The following ARMH3 variants were observed in gnomAD, a reference collection of about 807,000 sequenced individuals.
ARMH3 encodes the protein armadillo-like helical domain-containing protein 3.
In ARMH3, 60 loss-of-function variants were observed where a neutral mutation model predicts 99.1. The observed-to-expected ratio is 0.61, with a 90% CI of 0.49 to 0.75. The LOEUF (loss-of-function observed/expected upper bound fraction) is 0.75. ARMH3 is among the 30% of genes least tolerant of loss of function. The pLI is 0.00. For synonymous variants in ARMH3, 285 were observed against 292.8 expected (o/e 0.97, Z 0.27); for missense variants, 679 against 843.1 (o/e 0.81, Z 2.41).
At chr10:101,860,586 C>A (rs2066843709) in intron 24 of ARMH3, among the ~76,000 whole-genome samples, 1 of 152,082 alleles carries the variant, frequency 6.6e-6, no homozygotes, top group Non-Finnish European at 1.5e-5. Flanking sequence ...TCAAAGTGTT[C>A]CTACTGAATT....
At chr10:101,963,990 C>T (rs1845427036) in intron 20 of ARMH3, among the ~76,000 whole-genome samples, 2 of 151,654 alleles carry the variant, frequency 1.3e-5, no homozygotes, top group Non-Finnish European at 1.5e-5. Flanking sequence ...CATTCTCCTG[C>T]CTCAGCCTCC....
chr10:101,932,457 A>G (rs1843760807), intron 23 of ARMH3, among the ~76,000 whole-genome samples: 2 of 152,222 alleles, frequency 1.3e-5, no homozygotes, highest in African/African-American at 4.8e-5. Flanking sequence ...AGAGATTTAC[A>G]TACACTCATG....
chr10:101,881,367 G>A (rs1056765247), intron 24 of ARMH3, among the ~76,000 whole-genome samples: 3 of 152,136 alleles, frequency 2.0e-5, no homozygotes, highest in Non-Finnish European at 2.9e-5. Context: ...CAAGATAAGT[G>A]TGCCCACTCT....
intron 23 of ARMH3, among the ~76,000 whole-genome samples, chr10:101,909,458 TTCC>T (rs1318648953): frequency 2.3e-5 from 3 of 132,418 alleles, no homozygotes; most frequent in Non-Finnish European, 3.1e-5. Context: ...TGTTGCAAGC[TTCC>T]TCTTTTTTTT....
chr10:102,041,091 A>T (rs60941272), intron 1 of ARMH3, among the ~76,000 whole-genome samples: 2,101 of 57,732 alleles, frequency 0.036, 38 homozygotes, highest in African/African-American at 0.084. Context: ...TATATATATA[A>T]TATATATATA....
At chr10:101,894,870 CAAAAAAA>C (rs140398612) in intron 23 of ARMH3, among the ~76,000 whole-genome samples, 4 of 86,414 alleles carry the variant, frequency 4.6e-5, no homozygotes, top group African/African-American at 1.3e-4. Flanking sequence ...GAAACTCTGC[CAAAAAAA>C]AAAAAAAAAA....
intron 24 of ARMH3, among the ~76,000 whole-genome samples, chr10:101,875,749 G>T (rs1054397008): frequency 6.6e-6 from 1 of 152,164 alleles, no homozygotes; most frequent in Non-Finnish European, 1.5e-5. Context: ...TGGTTAAAAG[G>T]GTGGTGACAT....
intron 19 of ARMH3, among the ~76,000 whole-genome samples, chr10:101,989,189 TAGG>T (rs1846653943): frequency 6.6e-6 from 1 of 152,128 alleles, no homozygotes; most frequent in South Asian, 2.1e-4. Context: ...GAGAAGAATG[TAGG>T]AGGAGTGGCA....
chr10:101,874,673 C>G (rs2067217755), intron 24 of ARMH3, among the ~76,000 whole-genome samples: 1 of 152,124 alleles, frequency 6.6e-6, no homozygotes, highest in East Asian at 1.9e-4. Flanking sequence ...CTAAGGACAC[C>G]TAACGAGGGT....
intron 1 of ARMH3, among the ~76,000 whole-genome samples, chr10:102,046,530 T>G (rs1319515066): frequency 2.0e-5 from 3 of 152,036 alleles, no homozygotes; most frequent in African/African-American, 4.8e-5. Flanking sequence ...CACATGCCTG[T>G]AATCTCAGCT....
rs577487002 is a variant in ARMH3, at chr10:101,946,505, A to C, written c.1706-6567T>G. ...CCAGCCAGGGTGACACATATTTAGA[A>C]GTAAAATATGTACTATGTGAAATAA... On this transcript the variant is annotated intron_variant, in intron 22 of 25. Transcript: ENST00000370033. Among the ~76,000 whole-genome samples the C allele has an allele frequency of 5.9e-5, 9 of 152,304 alleles. 1 individual carries two copies. In the South Asian group the frequency reaches 1.7e-3, roughly 28 times the overall value.
intron 23 of ARMH3, among the ~76,000 whole-genome samples, chr10:101,916,441 A>C (rs1217166472): frequency 6.6e-6 from 1 of 152,184 alleles, no homozygotes; most frequent in Non-Finnish European, 1.5e-5. Flanking sequence ...AGAAAATACA[A>C]ATCCTCCAAT....
At chr10:101,981,951 G>A (rs1239178203) in intron 19 of ARMH3, among the ~76,000 whole-genome samples, 1 of 150,388 alleles carries the variant, frequency 6.6e-6, no homozygotes, top group Non-Finnish European at 1.5e-5. Context: ...CTTGCAGTGA[G>A]GTGGAGCTTG....
intron 24 of ARMH3, among the ~76,000 whole-genome samples, chr10:101,870,132 G>A (rs2067100408): frequency 6.6e-6 from 1 of 152,188 alleles, no homozygotes; most frequent in Non-Finnish European, 1.5e-5. Context: ...AGGCTGATAA[G>A]CAACAGAAGA....
intron 5 of ARMH3, among the ~76,000 whole-genome samples, chr10:102,027,720 T>C (rs1043544161): frequency 1.3e-5 from 2 of 152,006 alleles, no homozygotes; most frequent in African/African-American, 2.4e-5. Context: ...ATCTGGGATT[T>C]TACCATGACA....
At chr10:102,027,967 C>G (rs547845446) in intron 5 of ARMH3, among the ~76,000 whole-genome samples, 2 of 150,420 alleles carry the variant, frequency 1.3e-5, no homozygotes, top group Non-Finnish European at 3.0e-5. Flanking sequence ...GGGACATATT[C>G]AGAATACGAA....
intron 1 of ARMH3, among the ~76,000 whole-genome samples, chr10:102,053,596 TC>T (rs1410163447): frequency 1.3e-5 from 2 of 150,932 alleles, no homozygotes; most frequent in African/African-American, 4.9e-5. Context: ...CTCAAGTATC[TC>T]CCCCCTGCAA....
At chr10:101,873,191 A>C (rs935897605) in intron 24 of ARMH3, among the ~76,000 whole-genome samples, 37 of 150,534 alleles carry the variant, frequency 2.5e-4, no homozygotes, top group African/African-American at 8.6e-4. Flanking sequence ...ATCATGAGGT[A>C]AGGAGTTCAA....
chr10:101,969,792 A>T (rs1845691357), intron 20 of ARMH3, among the ~76,000 whole-genome samples: 1 of 152,160 alleles, frequency 6.6e-6, no homozygotes, highest in Admixed American at 6.5e-5. Context: ...GTCTGAGCAT[A>T]GGAGTCAGGA....
Sources: allele counts gnomAD v4.1 joint callset (sites outside exome capture counted in the v4.1 genomes callset), GRCh38; gene constraint gnomAD v4.1.1; transcripts MANE v1.5; gene names NCBI Gene and HGNC (gene_info 2026-07-23, HGNC 2026-07-21).